The following UBE2E3 variants were observed in gnomAD, a reference collection of about 807,000 sequenced individuals.
UBE2E3 encodes ubiquitin-conjugating enzyme E2 E3.
A neutral mutation model predicts 23.6 loss-of-function variants in UBE2E3; 5 were observed. The ratio of observed to expected loss-of-function variants is 0.21; its 90% confidence interval spans 0.11 to 0.44. UBE2E3 has a LOEUF of 0.44. Among genes scored for constraint, UBE2E3 ranks in the 20% least tolerant of loss-of-function variants. UBE2E3 has a pLI of 0.99. For missense variants in UBE2E3, 81 were observed against 249.8 expected, an observed-to-expected ratio of 0.32 and a Z score of 4.55; for synonymous variants, 78 against 87.5, an observed-to-expected ratio of 0.89 and a Z score of 0.60.
At chr2:181,000,418 TA>T (rs1559116483) in intron 3 of UBE2E3, among the ~76,000 whole-genome samples, 1 of 152,192 alleles carries the variant, frequency 6.6e-6, no homozygotes, top group Non-Finnish European at 1.5e-5. Context: ...TCTAAAATGT[TA>T]ACACTGTACA....
intron 3 of UBE2E3, among the ~76,000 whole-genome samples, chr2:181,009,501 A>C (rs1384065335): frequency 6.6e-6 from 1 of 152,004 alleles, no homozygotes; most frequent in African/African-American, 2.4e-5. Flanking sequence ...TGGTGTAATA[A>C]TTGGAAAATA....
chr2:181,053,186 A>G (rs1012006433), intron 3 of UBE2E3, among the ~76,000 whole-genome samples: 3 of 151,790 alleles, frequency 2.0e-5, no homozygotes, highest in African/African-American at 7.3e-5. Context: ...AACTACATGA[A>G]CTTTGAGAGC....
intron 3 of UBE2E3, among the ~76,000 whole-genome samples, chr2:181,020,657 C>T (rs1239290532): frequency 6.6e-6 from 1 of 152,088 alleles, no homozygotes; most frequent in Non-Finnish European, 1.5e-5. Context: ...TTTCTTGTGT[C>T]TAAGTTCAAA....
intron 4 of UBE2E3, among the ~76,000 whole-genome samples, chr2:181,060,285 C>T (rs1176188107): frequency 1.3e-5 from 2 of 151,664 alleles, no homozygotes; most frequent in African/African-American, 2.4e-5. Flanking sequence ...TTCATCAGTT[C>T]CTCTTACCTT....
chr2:181,025,400 T>C (rs376006819), intron 3 of UBE2E3, among the ~76,000 whole-genome samples: 1 of 41,490 alleles, frequency 2.4e-5, no homozygotes, highest in Admixed American at 2.5e-4. Context: ...GAAGATATTA[T>C]CTATTTTTTC....
intron 3 of UBE2E3, 107 bp from the exon 4 acceptor site, chr2:181,057,586 C>G (rs943032076): frequency 1.3e-5 from 11 of 878,440 alleles, no homozygotes; most frequent in Admixed American, 1.2e-4. Context: ...TATTTTACTT[C>G]TTATTGCTCT....
At chr2:181,040,439 T>G (rs76983186) in intron 3 of UBE2E3, among the ~76,000 whole-genome samples, 5,329 of 152,320 alleles carry the variant, frequency 0.035, 137 homozygotes, top group Non-Finnish European at 0.05. Context: ...GAAAATTTTT[T>G]TATAAAGAAT....
intron 3 of UBE2E3, among the ~76,000 whole-genome samples, chr2:181,032,853 A>G (rs935222005): frequency 5.3e-5 from 8 of 152,200 alleles, no homozygotes; most frequent in African/African-American, 2.4e-5. Context: ...TACAAAATCA[A>G]TGTGCAAAAA....
chr2:181,003,506 T>G (rs1412759598), intron 3 of UBE2E3, among the ~76,000 whole-genome samples: 1 of 152,222 alleles, frequency 6.6e-6, no homozygotes, highest in Non-Finnish European at 1.5e-5. Context: ...ACAATCTAAT[T>G]ACAGTTGGAC....
At chr2:181,016,090 T>C (rs1451683649) in intron 3 of UBE2E3, among the ~76,000 whole-genome samples, 1 of 151,474 alleles carries the variant, frequency 6.6e-6, no homozygotes, top group African/African-American at 2.4e-5. Context: ...GGCATTCATA[T>C]GGCAGACCTT....
At chr2:181,000,827 C>A (rs1684969367) in intron 3 of UBE2E3, among the ~76,000 whole-genome samples, 1 of 152,052 alleles carries the variant, frequency 6.6e-6, no homozygotes, top group Non-Finnish European at 1.5e-5. Context: ...GTGAGAGTAA[C>A]TTTTTAAATT....
chr2:181,000,819 G>C (rs1056493117), intron 3 of UBE2E3, among the ~76,000 whole-genome samples: 2 of 152,290 alleles, frequency 1.3e-5, no homozygotes, highest in Middle Eastern at 3.4e-3. Context: ...CTTCCAAAGT[G>C]AGAGTAACTT....
At chr2:181,041,253 A>AC (rs1281121008) in intron 3 of UBE2E3, among the ~76,000 whole-genome samples, 2 of 148,440 alleles carry the variant, frequency 1.3e-5, no homozygotes, top group Non-Finnish European at 3.0e-5. Context: ...AAAAAAAAAA[A>AC]GATAGATTTT....
At chr2:181,023,181 T>C (rs1685761891) in intron 3 of UBE2E3, among the ~76,000 whole-genome samples, 1 of 152,170 alleles carries the variant, frequency 6.6e-6, no homozygotes, top group South Asian at 2.1e-4. Flanking sequence ...AGTAGAAACA[T>C]CAGGAACCAT....
intron 3 of UBE2E3, among the ~76,000 whole-genome samples, chr2:181,018,871 G>C (rs559045615): frequency 1.3e-5 from 2 of 152,224 alleles, no homozygotes; most frequent in African/African-American, 2.4e-5. Flanking sequence ...TACCTGAGTT[G>C]GATGTCAGGA....
chr2:180,989,246 TATA>T (rs1684580430), intron 3 of UBE2E3, among the ~76,000 whole-genome samples: 2 of 152,266 alleles, frequency 1.3e-5, no homozygotes, highest in South Asian at 4.1e-4. Flanking sequence ...CATGCTGTAT[TATA>T]ATATTTGTCT....
chr2:181,038,912 A>G (rs1307795534), intron 3 of UBE2E3, among the ~76,000 whole-genome samples: 1 of 152,130 alleles, frequency 6.6e-6, no homozygotes, highest in Non-Finnish European at 1.5e-5. Context: ...AAATAATTAT[A>G]AAAAAACAGG....
intron 3 of UBE2E3, among the ~76,000 whole-genome samples, chr2:180,995,739 ATT>A (rs781291410): frequency 8.0e-6 from 1 of 125,364 alleles, no homozygotes; most frequent in Non-Finnish European, 1.7e-5. Flanking sequence ...TTCAGGCTGG[ATT>A]TTTTTTTTTT....
At chr2:180,995,940 G>A (rs373047568) in intron 3 of UBE2E3, among the ~76,000 whole-genome samples, 6 of 151,992 alleles carry the variant, frequency 3.9e-5, no homozygotes, top group African/African-American at 1.4e-4. Context: ...CATGGTAAAG[G>A]TAAGATATGT....
Sources: allele counts gnomAD v4.1 joint callset (sites outside exome capture counted in the v4.1 genomes callset), GRCh38; gene constraint gnomAD v4.1.1; transcripts MANE v1.5; gene names NCBI Gene and HGNC (gene_info 2026-07-23, HGNC 2026-07-21).